MSI2: variants seen among roughly 807,000 people sequenced by gnomAD.
MSI2 encodes the protein RNA-binding protein Musashi homolog 2.
MSI2 carries 17 observed loss-of-function variants against 45.6 expected under a neutral mutation model. The ratio of observed to expected loss-of-function variants is 0.37; its 90% CI spans 0.26 to 0.56. The LOEUF is 0.56. MSI2 is among the 20% of genes least tolerant of loss of function. The pLI is 0.77. For synonymous variants in MSI2, 156 were observed against 158.2 expected (o/e 0.99, Z 0.11); for missense variants, 293 against 444.2 (o/e 0.66, Z 3.06).
intron 5 of MSI2, among the ~76,000 whole-genome samples, chr17:57,287,321 G>A (rs1910000104): frequency 6.6e-6 from 1 of 152,074 alleles, no homozygotes; most frequent in African/African-American, 2.4e-5. Flanking sequence ...TGGAAGCCCT[G>A]CTGGGCCTGA....
At chr17:57,509,145 G>A (rs897290436) in intron 6 of MSI2, among the ~76,000 whole-genome samples, 4 of 152,152 alleles carry the variant, frequency 2.6e-5, no homozygotes, top group African/African-American at 4.8e-5. Flanking sequence ...CTTGGGAGAC[G>A]AATTGGAAGT....
chr17:57,687,945 A>G (rs776493017), downstream of MSI2, among the ~76,000 whole-genome samples: 2 of 152,166 alleles, frequency 1.3e-5, no homozygotes, highest in Non-Finnish European at 1.5e-5. Flanking sequence ...ATACTAGCAA[A>G]CTAAAGGAGG....
chr17:57,521,735 C>G (rs2086589636), intron 6 of MSI2, among the ~76,000 whole-genome samples: 2 of 152,210 alleles, frequency 1.3e-5, no homozygotes, highest in Non-Finnish European at 1.5e-5. Flanking sequence ...TTGGCTGTAC[C>G]CTGGATCACT....
chr17:57,691,443 G>A, the MSI2 span, among the ~76,000 whole-genome samples: 10 of 152,178 alleles, frequency 6.6e-5, no homozygotes, highest in African/African-American at 2.4e-4. Flanking sequence ...CTAAATCTAT[G>A]GATCAATTTT....
At chr17:57,633,028 G>A (rs1598476693) in intron 10 of MSI2, 5 of 1,043,976 alleles carry the variant, frequency 4.8e-6, no homozygotes, top group East Asian at 1.1e-4. Flanking sequence ...CTTTGCTTTG[G>A]TGAACTTGTC....
At chr17:57,500,003 C>T (rs1401838547) in intron 6 of MSI2, among the ~76,000 whole-genome samples, 3 of 151,870 alleles carry the variant, frequency 2.0e-5, no homozygotes, top group Non-Finnish European at 4.4e-5. Context: ...AAACTCTCAA[C>T]TGGAATGAAG....
At chr17:57,271,731 G>A (rs1010834423) in intron 5 of MSI2, among the ~76,000 whole-genome samples, 35 of 149,492 alleles carry the variant, frequency 2.3e-4, no homozygotes, top group African/African-American at 8.4e-4. Flanking sequence ...CAAAATAGAC[G>A]GGCCACTGCA....
intron 5 of MSI2, among the ~76,000 whole-genome samples, chr17:57,287,215 T>C (rs1171519253): frequency 1.3e-5 from 2 of 150,338 alleles, no homozygotes; most frequent in Non-Finnish European, 3.0e-5. Flanking sequence ...CTCCTTGCAA[T>C]GTGAGTGTGG....
intron 8 of MSI2, among the ~76,000 whole-genome samples, chr17:57,613,899 C>T (rs547303070): frequency 4.1e-4 from 62 of 152,148 alleles, no homozygotes; most frequent in African/African-American, 1.4e-3. Flanking sequence ...ACCTGTTGTC[C>T]GGTGTCTTTG....
intron 5 of MSI2, among the ~76,000 whole-genome samples, chr17:57,362,414 A>G (rs1156731319): frequency 6.6e-6 from 1 of 152,192 alleles, no homozygotes; most frequent in Non-Finnish European, 1.5e-5. Context: ...ATGATCAGAA[A>G]AGGGAGAGAT....
chr17:57,396,874 C>T (rs1019127729), intron 5 of MSI2, among the ~76,000 whole-genome samples: 3 of 152,160 alleles, frequency 2.0e-5, no homozygotes, highest in Admixed American at 6.5e-5. Context: ...AGGAGGGGCG[C>T]CTGCTGGGAG....
the MSI2 span, among the ~76,000 whole-genome samples, chr17:57,700,229 G>A: frequency 3.9e-5 from 6 of 152,288 alleles, no homozygotes; most frequent in South Asian, 2.1e-4. Context: ...GGTCTAGCTC[G>A]GCTGTGCTTT....
At chr17:57,585,392 GT>G (rs1248667549) in intron 7 of MSI2, among the ~76,000 whole-genome samples, 2 of 152,202 alleles carry the variant, frequency 1.3e-5, no homozygotes, top group Non-Finnish European at 2.9e-5. Context: ...AAGTGCAGGT[GT>G]TTTTAAGCAA....
At chr17:57,663,425 G>A (rs758142) in intron 11 of MSI2, among the ~76,000 whole-genome samples, 100,035 of 152,130 alleles carry the variant, frequency 0.66, 34,723 homozygotes, top group African/African-American at 0.87. Context: ...AGAGGCTTGT[G>A]TAGCCGGGAA....
At chr17:57,643,365 G>A (rs1156264561) in intron 10 of MSI2, among the ~76,000 whole-genome samples, 1 of 152,234 alleles carries the variant, frequency 6.6e-6, no homozygotes, top group South Asian at 2.1e-4. Context: ...TTCTCAAGCC[G>A]CAGAATCTGT....
intron 5 of MSI2, among the ~76,000 whole-genome samples, chr17:57,294,311 C>G (rs1267180618): frequency 2.6e-5 from 4 of 152,110 alleles, no homozygotes; most frequent in Non-Finnish European, 5.9e-5. Context: ...GTTTGAGCAT[C>G]TGGCTTTCAT....
chr17:57,569,003 T>C (rs1340408720), intron 7 of MSI2, among the ~76,000 whole-genome samples: 1 of 151,984 alleles, frequency 6.6e-6, no homozygotes, highest in African/African-American at 2.4e-5. Flanking sequence ...GTAGCCTCTT[T>C]TAAAAATTTT....
intron 5 of MSI2, among the ~76,000 whole-genome samples, chr17:57,344,908 C>A (rs1046874970): frequency 1.3e-5 from 2 of 151,958 alleles, no homozygotes; most frequent in African/African-American, 4.8e-5. Flanking sequence ...ACTAAAAATT[C>A]AAAAATTAGC....
At chr17:57,284,018 C>T (rs1322429636) in intron 5 of MSI2, among the ~76,000 whole-genome samples, 4 of 152,140 alleles carry the variant, frequency 2.6e-5, no homozygotes, top group East Asian at 1.9e-4. Flanking sequence ...CAACTTCAGG[C>T]GAATCAAGTG....
Sources: allele counts gnomAD v4.1 joint callset (sites outside exome capture counted in the v4.1 genomes callset), GRCh38; gene constraint gnomAD v4.1.1; transcripts MANE v1.5; gene names NCBI Gene and HGNC (gene_info 2026-07-23, HGNC 2026-07-21).